SHBG: variants seen among roughly 807,000 people sequenced by gnomAD.
SHBG encodes the protein sex hormone-binding globulin.
Under a neutral mutation model 41.9 loss-of-function variants are expected in SHBG, and 37 were observed. The observed-to-expected ratio is 0.88, with a 90% CI of 0.68 to 1.16. SHBG has a LOEUF of 1.16. Among genes scored for constraint, SHBG ranks in the 50% most tolerant of loss-of-function variants. SHBG has a pLI of 0.00. For synonymous variants in SHBG, 217 were observed against 205.8 expected, an observed-to-expected ratio of 1.05 and a Z score of -0.47; for missense variants, 466 against 499.9, an observed-to-expected ratio of 0.93 and a Z score of 0.65.
At chr17:7,631,803 TC>T in intron 5 of SHBG, 55 bp downstream of exon 5, 1 of 1,611,864 alleles carries the variant, frequency 6.2e-7, no homozygotes, top group Non-Finnish European at 8.5e-7. Flanking sequence ...CCTGCCTCTG[TC>T]CCCCTCTACC....
At chr17:7,616,373 C>T (rs2071986932) in intron 1 of SHBG, among the ~76,000 whole-genome samples, 1 of 138,984 alleles carries the variant, frequency 7.2e-6, no homozygotes, top group Non-Finnish European at 1.5e-5. Context: ...TTTGGGAGGC[C>T]GAGACGGGCG....
At chr17:7,631,010 C>G in intron 3 of SHBG, 141 bp downstream of exon 3, 1 of 978,632 alleles carries the variant, frequency 1.0e-6, no homozygotes, top group Non-Finnish European at 1.5e-6. Flanking sequence ...TATTCTTGGC[C>G]CCATCTTTTC....
In SHBG at chr17:7,631,729, G is replaced by A. The variant is rs2072423774; in HGVS notation, c.696G>A (p.Gln232=). The change falls in exon 5 of 8, where the codon CAG becomes CAA. Residue 232 remains glutamine (Q), a synonymous_variant. Coordinates refer to ENST00000380450, the MANE Select transcript of SHBG (RefSeq NM_001040.5). ...NPGIFLPPGT[Q]AEFNLRDIPQ... ...GGATATTTCTCCCTCCAGGGACTCA[G>A]GCAGAATTCAATCTCCGAGGTAGAT... is the stretch of plus-strand genomic sequence containing the variant. 1.9e-6 allele frequency: 3 copies of A among 1,614,086 alleles called. No individual in the cohort carries two copies. Among genetic ancestry groups the A allele is most frequent in the Middle Eastern group, 1.6e-4 (1 of 6,062 alleles).
chr17:7,629,292 C>A (rs546912912), upstream of SHBG, among the ~76,000 whole-genome samples: 10 of 151,664 alleles, frequency 6.6e-5, no homozygotes, highest in African/African-American at 2.4e-4. Context: ...ACAGGAGGAT[C>A]GCTTGAACTC....
At chr17:7,619,107 GA>G (rs1385011987) in intron 1 of SHBG, among the ~76,000 whole-genome samples, 2 of 152,020 alleles carry the variant, frequency 1.3e-5, no homozygotes, top group Non-Finnish European at 2.9e-5. Flanking sequence ...TCATAATAAT[GA>G]GGCCAGGCAT....
At chr17:7,621,092 C>CAAA (rs2072085524) in intron 1 of SHBG, among the ~76,000 whole-genome samples, 1 of 21,588 alleles carries the variant, frequency 4.6e-5, no homozygotes, top group Non-Finnish European at 8.4e-5. Flanking sequence ...AAGACCCTGT[C>CAAA]ACAAAAAAAA....
At chr17:7,633,155 C>A in intron 7 of SHBG, 49 bp from the exon 8 acceptor site, 1 of 1,607,886 alleles carries the variant, frequency 6.2e-7, no homozygotes, top group Non-Finnish European at 8.5e-7. Context: ...GATTCTGGAT[C>A]CGAGCCACCT....
intron 1 of SHBG, among the ~76,000 whole-genome samples, chr17:7,622,746 T>C (rs1354213577): frequency 6.7e-6 from 1 of 150,204 alleles, no homozygotes; most frequent in Non-Finnish European, 1.5e-5. Flanking sequence ...ATGTAAACCC[T>C]GGGCTGGGCA....
upstream of SHBG, among the ~76,000 whole-genome samples, chr17:7,628,874 G>A (rs1567764587): frequency 6.6e-6 from 1 of 150,850 alleles, no homozygotes; most frequent in African/African-American, 2.4e-5. Flanking sequence ...TGACCAACAT[G>A]GTGAAACCCC....
intron 1 of SHBG, chr17:7,614,355 G>A (rs2071917353): frequency 2.3e-6 from 2 of 886,968 alleles, no homozygotes; most frequent in East Asian, 2.7e-5. Flanking sequence ...TAAGGGCCAG[G>A]ACTCAGCTCC....
chr17:7,627,630 A>C, upstream of SHBG: 2 of 1,613,882 alleles, frequency 1.2e-6, no homozygotes, highest in Middle Eastern at 3.3e-4. The surrounding 1 kb of genome is among the most constrained non-coding windows in gnomAD (Gnocchi z 4.8). Flanking sequence ...TCCGCACGGA[A>C]GCCATCCGGA....
chr17:7,631,231 T>C lies in SHBG; in HGVS notation c.425T>C (p.Leu142Pro). 1 of 1,594,200 alleles carries C rather than the reference T, an allele frequency of 6.3e-7. No individual in the cohort carries two copies. Among genetic ancestry groups the C allele is most frequent in the Non-Finnish European group, 8.5e-7 (1 of 1,170,458 alleles). The change falls in exon 4 of 8, where the codon CTG (leucine) becomes CCG (proline). Residue 142 changes from leucine to proline, a missense_variant. By Grantham distance (98) the Leu-to-Pro change is moderately conservative. Coordinates refer to ENST00000380450, the MANE Select transcript of SHBG (RefSeq NM_001040.5). ...VEVKMEGDSVLLEVDGEEVLR... is the reference protein window; with the variant it reads ...VEVKMEGDSVPLEVDGEEVLR... ...GTCAAGATGGAGGGGGACTCTGTGC[T>C]GCTGGAGGTGGATGGGGAGGAGGTG...
At chr17:7,625,027 G>A (rs1050004650), upstream of SHBG, among the ~76,000 whole-genome samples, 5 of 141,524 alleles carry the variant, frequency 3.5e-5, no homozygotes, top group Non-Finnish European at 6.0e-5. Flanking sequence ...TTGACTCACT[G>A]CAACCTCCAT....
At chr17:7,633,182 C>A in intron 7 of SHBG, 22 bp from the exon 8 acceptor site, 1 of 1,613,984 alleles carries the variant, frequency 6.2e-7, no homozygotes, top group South Asian at 1.1e-5. Flanking sequence ...TCTAATGCCA[C>A]CTTTGCACTA....
upstream of SHBG, among the ~76,000 whole-genome samples, chr17:7,624,887 G>A (rs1311896890): frequency 6.6e-6 from 1 of 150,586 alleles, no homozygotes; most frequent in East Asian, 1.9e-4. Flanking sequence ...GAACTCCTGG[G>A]CTCAAGCAAT....
At chr17:7,615,817 G>A (rs1338491064) in intron 1 of SHBG, among the ~76,000 whole-genome samples, 1 of 143,388 alleles carries the variant, frequency 7.0e-6, no homozygotes, top group Non-Finnish European at 1.5e-5. Flanking sequence ...CTGGGCGACA[G>A]AGCAAGACTC....
Position 7,630,962 on chromosome 17 carries a change from T to C in SHBG, c.393+93T>C. On this transcript the variant is annotated intron_variant, in intron 3 of 7. Transcript: ENST00000380450. The surrounding 1 kb of genome is among the most constrained non-coding windows in gnomAD (Gnocchi z 4.6). Reference sequence around the variant, plus strand: ...GTTATTGGGCATCCCTCTACCACTGTCATCTCGTTTAATCCACACGAACCC... The same window carrying C: ...GTTATTGGGCATCCCTCTACCACTGCCATCTCGTTTAATCCACACGAACCC... 8.5e-7 allele frequency: 1 copy of C among 1,182,172 alleles called. No homozygotes were observed. The highest frequency in any genetic ancestry group is 1.2e-6 in the Non-Finnish European group (1 of 810,892). 73.2% of individuals were successfully genotyped at this position (1,182,172 alleles called of 1,614,324 possible).
chr17:7,633,036 A>G, intron 7 of SHBG, 77 bp downstream of exon 7: 2 of 1,462,030 alleles, frequency 1.4e-6, no homozygotes, highest in Non-Finnish European at 1.9e-6. Flanking sequence ...TTTGAGGGGA[A>G]GGAAACCTCT....
At chr17:7,623,670 G>C (rs2072139186), upstream of SHBG, among the ~76,000 whole-genome samples, 1 of 152,112 alleles carries the variant, frequency 6.6e-6, no homozygotes, top group African/African-American at 2.4e-5. Context: ...CTGTTGCCCA[G>C]GTTAGTCTTG....
Sources: allele counts gnomAD v4.1 joint callset (sites outside exome capture counted in the v4.1 genomes callset), GRCh38; gene constraint gnomAD v4.1.1; non-coding constraint Gnocchi (gnomAD v3.1); transcripts MANE v1.5; gene names NCBI Gene and HGNC (gene_info 2026-07-23, HGNC 2026-07-21).